The following LRRK2 variants were observed in gnomAD, a reference collection of about 807,000 sequenced individuals.
LRRK2 encodes leucine rich repeat kinase 2.
In LRRK2, 203 loss-of-function variants were observed where a neutral mutation model predicts 302.6. The observed-to-expected ratio is 0.67, with a 90% CI of 0.60 to 0.75. The LOEUF is 0.75. Among genes scored for constraint, LRRK2 ranks in the 30% least tolerant of loss-of-function variants. The pLI is 0.00. For synonymous variants in LRRK2, 1,066 were observed against 1,031.9 expected, an observed-to-expected ratio of 1.03 and a Z score of -0.63; for missense variants, 2,830 against 2,951.0, an observed-to-expected ratio of 0.96 and a Z score of 0.95.
At chr12:40,280,404 A>G (rs1471645248) in intron 18 of LRRK2, among the ~76,000 whole-genome samples, 6 of 151,982 alleles carry the variant, frequency 3.9e-5, no homozygotes, top group African/African-American at 1.5e-4. Flanking sequence ...CGGGAGGATC[A>G]TTTGAGCCCA....
At chr12:40,359,600 T>C (rs976952962) in intron 47 of LRRK2, among the ~76,000 whole-genome samples, 156 bp downstream of exon 47, 1 of 152,190 alleles carries the variant, frequency 6.6e-6, no homozygotes, top group Admixed American at 6.5e-5. Context: ...TAAAAAATTT[T>C]GAAAATTCCA....
chr12:40,250,406 C>T (rs910141776), intron 8 of LRRK2, among the ~76,000 whole-genome samples: 24 of 152,258 alleles, frequency 1.6e-4, no homozygotes, highest in African/African-American at 5.5e-4. Context: ...AGGAGTATCG[C>T]TTGGAACTGG....
chr12:40,304,026 G>T lies in LRRK2; in HGVS notation c.3669G>T (p.Arg1223Ser). 1 of 1,613,622 alleles carries T rather than the reference G, an allele frequency of 6.2e-7. No individual in the cohort carries two copies. The highest frequency in any genetic ancestry group is 8.5e-7 in the Non-Finnish European group (1 of 1,179,720). ...GPAHWKSLNL[R>S]ELLFSHNQIS... Reference sequence around the variant, plus strand: ...CACACTGGAAATCTTTGAACTTAAGGGAACTCTTATTTAGCCATAATCAGA... The same window carrying T: ...CACACTGGAAATCTTTGAACTTAAGTGAACTCTTATTTAGCCATAATCAGA... Residue 1223 changes from arginine (R) to serine (S), a missense_variant, in exon 27 of 51, where the codon AGG (arginine) becomes AGT (serine). Arg to Ser is a moderately radical substitution (Grantham distance 110, BLOSUM62 -1). This residue lies in a region of LRRK2 where 2,121 missense variants were observed against 2,148.0 expected (regional missense o/e 0.99). Coordinates refer to ENST00000298910, the MANE Select transcript of LRRK2 (RefSeq NM_198578.4).
rs778858772 is a variant in LRRK2, at chr12:40,234,628, C to T, written c.348-998C>T. On this transcript the variant is annotated intron_variant, in intron 3 of 50. Transcript: ENST00000298910. The stretch of plus-strand genomic sequence containing the variant: ...TATTGACCTCATGATCCCCCCGCCT[C>T]GGCGTCCCAAAGTGCTGAGATTACA... Among the ~76,000 whole-genome samples the T allele has an allele frequency of 2.6e-5, 4 of 151,944 alleles. No homozygotes were observed. In the South Asian group the frequency reaches 6.2e-4, roughly 24 times the overall value.
chr12:40,340,169 G>C, intron 40 of LRRK2, 125 bp from the exon 41 acceptor site: 3 of 902,072 alleles, frequency 3.3e-6, no homozygotes, highest in Non-Finnish European at 5.2e-6. Flanking sequence ...TTAACTTTAA[G>C]GGACAAAGTG....
intron 10 of LRRK2, 65 bp from the exon 11 acceptor site, chr12:40,252,845 C>A: frequency 1.9e-6 from 2 of 1,034,226 alleles, no homozygotes; most frequent in Non-Finnish European, 3.0e-6. Context: ...TTGATAATGG[C>A]AAGTGAGAAT....
At position 40,225,005 on chromosome 12, in the gene LRRK2, C is replaced by A; in HGVS notation, c.-127C>A. On this transcript the variant is annotated 5_prime_UTR_variant, in exon 1 of 51. Transcript: ENST00000298910. ...CGGGCGTGGGCGCCGATGGGGCCCG[C>A]GGGGAGCGCTGGCTGCGGGCGGTGA... The A allele has an allele frequency of 1.6e-6, 2 of 1,278,232 alleles. No homozygotes were observed. The highest frequency in any genetic ancestry group is 2.2e-6 in the Non-Finnish European group (2 of 909,966). 79.2% of individuals were successfully genotyped at this position (1,278,232 alleles called of 1,614,324 possible).
At chr12:40,344,126 T>C (rs1946127285) in intron 41 of LRRK2, among the ~76,000 whole-genome samples, 1 of 152,154 alleles carries the variant, frequency 6.6e-6, no homozygotes, top group Non-Finnish European at 1.5e-5. Context: ...TTCACAGCTC[T>C]ACCATCTTCG....
chr12:40,315,198 A>C lies in LRRK2; in HGVS notation c.4739-14A>C. 1.2e-6 allele frequency: 2 copies of C among 1,601,792 alleles called. No homozygotes were observed. The highest frequency in any genetic ancestry group is 1.7e-6 in the Non-Finnish European group (2 of 1,169,094). ...AGATTCCATGTTTCACTGTTTGATG[A>C]CTTTTTACTACAGGAGTCCTTCTTC... On this transcript the variant is annotated splice_polypyrimidine_tract_variant and intron_variant, in intron 32 of 50. Transcript: ENST00000298910.
chr12:40,268,217 C>T (rs184078021), intron 14 of LRRK2, among the ~76,000 whole-genome samples: 29 of 152,154 alleles, frequency 1.9e-4, no homozygotes, highest in African/African-American at 6.7e-4. Flanking sequence ...ACATTTTGGC[C>T]GCATCTGTGT....
chr12:40,306,986 A>G (rs1944847351), intron 28 of LRRK2, among the ~76,000 whole-genome samples: 1 of 152,004 alleles, frequency 6.6e-6, no homozygotes, highest in Non-Finnish European at 1.5e-5. Context: ...AGTTCTTACT[A>G]AACATTTAGT....
At chr12:40,266,067 A>T (rs11175786) in intron 14 of LRRK2, among the ~76,000 whole-genome samples, 571 of 152,356 alleles carry the variant, frequency 3.7e-3, no homozygotes, top group Middle Eastern at 0.01. Flanking sequence ...AAACCTAAGC[A>T]ATACTATTCA....
chr12:40,337,060 T>G (rs1004552965), intron 40 of LRRK2, among the ~76,000 whole-genome samples: 6 of 152,216 alleles, frequency 3.9e-5, no homozygotes, highest in African/African-American at 1.4e-4. Context: ...TTTGCCTAAT[T>G]TGTTCTTAGC....
intron 31 of LRRK2, 115 bp from the exon 32 acceptor site, chr12:40,313,857 T>C (rs1945116114): frequency 2.7e-6 from 2 of 741,046 alleles, no homozygotes; most frequent in South Asian, 3.4e-5. Flanking sequence ...TTTAAAAATG[T>C]ACTTCTGAAT....
chr12:40,275,567 T>C (rs1301994757), intron 16 of LRRK2, among the ~76,000 whole-genome samples: 1 of 152,164 alleles, frequency 6.6e-6, no homozygotes, highest in Admixed American at 6.5e-5. Context: ...TTCAAGAGTT[T>C]CTGCCTTGGT....
intron 38 of LRRK2, among the ~76,000 whole-genome samples, chr12:40,325,885 A>C (rs1284018422): frequency 2.0e-5 from 3 of 152,186 alleles, no homozygotes; most frequent in Non-Finnish European, 4.4e-5. Flanking sequence ...TTAAAATATA[A>C]ATGTATGGGA....
At chr12:40,337,792 G>C (rs1449277450) in intron 40 of LRRK2, among the ~76,000 whole-genome samples, 2 of 152,134 alleles carry the variant, frequency 1.3e-5, no homozygotes, top group Non-Finnish European at 2.9e-5. Context: ...TATGCCTCTT[G>C]CTTCCCTTTG....
intron 18 of LRRK2, among the ~76,000 whole-genome samples, chr12:40,280,882 C>T (rs958015856): frequency 2.0e-5 from 3 of 151,394 alleles, no homozygotes; most frequent in South Asian, 2.1e-4. Flanking sequence ...CTGGCTAACC[C>T]GGTGAAACCT....
chr12:40,324,672 A>G (rs752926754), intron 38 of LRRK2, among the ~76,000 whole-genome samples: 10 of 152,240 alleles, frequency 6.6e-5, no homozygotes, highest in Non-Finnish European at 1.2e-4. Flanking sequence ...TGATATTTAA[A>G]GCTAAATAAA....
Sources: allele counts gnomAD v4.1 joint callset (sites outside exome capture counted in the v4.1 genomes callset), GRCh38; gene constraint gnomAD v4.1.1; regional missense constraint gnomAD v4.1.1; transcripts MANE v1.5; gene names NCBI Gene and HGNC (gene_info 2026-07-23, HGNC 2026-07-21).